The following DIABLO variants were observed in gnomAD, a reference collection of about 807,000 sequenced individuals.
DIABLO encodes diablo homolog, mitochondrial.
A neutral mutation model predicts 31.7 loss-of-function variants in DIABLO; 32 were observed. The ratio of observed to expected loss-of-function variants is 1.01; its 90% CI spans 0.76 to 1.35. The LOEUF is 1.35. DIABLO is among the 40% of genes most tolerant of loss of function. DIABLO has a pLI of 0.00. For synonymous variants in DIABLO, 132 were observed against 103.2 expected (o/e 1.28, Z -1.69); for missense variants, 316 against 286.4 (o/e 1.10, Z -0.75).
chr12:122,211,076 G>GAA, intron 5 of DIABLO, among the ~76,000 whole-genome samples: 1 of 3,266 alleles, frequency 3.1e-4, no homozygotes, highest in Non-Finnish European at 7.7e-4. Context: ...TTAGTTAAAA[G>GAA]TAAAAAAAAA....
upstream of DIABLO, chr12:122,226,363 A>AGGGAGGCGGGGCCTGGC (rs1566031591): frequency 3.2e-6 from 1 of 314,680 alleles, no homozygotes; most frequent in African/African-American, 3.9e-5. Context: ...CTGGTGAGTT[A>AGGGAGGCGGGGCCTGGC]GGGAGGCGGG....
intron 2 of DIABLO, 125 bp downstream of exon 2, chr12:122,224,387 G>C: frequency 7.1e-7 from 1 of 1,405,392 alleles, no homozygotes; most frequent in Non-Finnish European, 1.0e-6. Context: ...AAAGATGCCG[G>C]TACTGTGGGG....
At chr12:122,211,216 A>G (rs1324884163) in intron 5 of DIABLO, among the ~76,000 whole-genome samples, 1 of 151,628 alleles carries the variant, frequency 6.6e-6, no homozygotes, top group African/African-American at 2.4e-5. Context: ...CCTGGGCAAC[A>G]TGGTGAAACC....
chr12:122,211,339 C>T (rs1954085394), intron 5 of DIABLO, among the ~76,000 whole-genome samples: 1 of 151,994 alleles, frequency 6.6e-6, no homozygotes, highest in Admixed American at 6.6e-5. Context: ...GCAGAAGTAA[C>T]GGTGAGCCAA....
intron 5 of DIABLO, among the ~76,000 whole-genome samples, chr12:122,213,626 CTCCTTTTCTCCTTCTAGATATAA>C (rs1954138754): frequency 6.6e-6 from 1 of 151,990 alleles, no homozygotes; most frequent in South Asian, 2.1e-4. Context: ...TCTAGATATT[CTCCTTTTCTCCTTCTAGATATAA>C]GCATATCCTC....
chr12:122,224,795 T>A, intron 1 of DIABLO, 151 bp from the exon 2 acceptor site: 1 of 1,551,656 alleles, frequency 6.4e-7, no homozygotes, highest in East Asian at 2.4e-5. Flanking sequence ...ATTTTCAACA[T>A]ACACCAAGTT....
At chr12:122,213,301 G>A (rs1338856643) in intron 5 of DIABLO, among the ~76,000 whole-genome samples, 4 of 151,354 alleles carry the variant, frequency 2.6e-5, no homozygotes, top group Non-Finnish European at 4.4e-5. Flanking sequence ...AGGCCAAGGC[G>A]GGTGGATCAC....
intron 5 of DIABLO, chr12:122,208,997 ATTT>A (rs752364414): frequency 9.1e-5 from 30 of 330,338 alleles, no homozygotes; most frequent in Non-Finnish European, 1.6e-4. Context: ...ATAGAAAAAT[ATTT>A]TTTTACTATA....
intron 2 of DIABLO, chr12:122,221,861 G>T (rs1284860859): frequency 6.6e-6 from 1 of 152,166 alleles, no homozygotes; most frequent in Non-Finnish European, 1.5e-5. Context: ...AAAAACAAAG[G>T]TTGTCCCAAT....
chr12:122,226,275 G>C, upstream of DIABLO: 1 of 690,046 alleles, frequency 1.4e-6, no homozygotes, highest in East Asian at 2.7e-5. Context: ...GGTGGGTCCG[G>C]CGCGGAGCTG....
chr12:122,208,811 C>T (rs1236738803), intron 5 of DIABLO: 1 of 630,232 alleles, frequency 1.6e-6, no homozygotes, highest in Non-Finnish European at 2.9e-6. Flanking sequence ...GCCAACATCA[C>T]AATTATTAAA....
chr12:122,225,312 G>T, intron 1 of DIABLO: 1 of 766,634 alleles, frequency 1.3e-6, no homozygotes, highest in Non-Finnish European at 1.6e-6. Context: ...GCTTGAAGCC[G>T]GGAGGCACAG....
chr12:122,212,093 T>C (rs565663558), intron 5 of DIABLO, among the ~76,000 whole-genome samples: 303 of 152,096 alleles, frequency 2.0e-3, no homozygotes, highest in African/African-American at 6.9e-3. Context: ...GACTTGGCCT[T>C]CCAAAGTGCT....
intron 5 of DIABLO, among the ~76,000 whole-genome samples, chr12:122,216,165 G>C (rs1250542861): frequency 6.6e-6 from 1 of 152,134 alleles, no homozygotes; most frequent in Non-Finnish European, 1.5e-5. Context: ...GTAATTCTAT[G>C]ATTGTTAATA....
At chr12:122,220,702 C>CTATGTTG (rs1954316125) in intron 2 of DIABLO, 1 of 151,574 alleles carries the variant, frequency 6.6e-6, no homozygotes, top group Non-Finnish European at 1.5e-5. Context: ...ATCAATCACT[C>CTATGTTG]TATGTTGTCT....
Position 122,209,341 on chromosome 12 carries a change from C to T in DIABLO, c.524-764G>A, listed in dbSNP as rs190319258. Among the ~76,000 whole-genome samples, 1,084 of 149,038 alleles carry T rather than the reference C, an allele frequency of 7.3e-3. 12 individuals are homozygous for T. Among genetic ancestry groups the T allele is most frequent in the African/African-American group, 0.026 (1,007 of 39,308 alleles). On this transcript the variant is annotated intron_variant, in intron 5 of 5. Coordinates refer to ENST00000464942, the MANE Select transcript of DIABLO (RefSeq NM_001371333.1). ...TCGTGCCACTGCACTCCAGCCTGGG[C>T]GACAGACTCCGTCTCAAAAAAAAAA...
chr12:122,212,867 C>T (rs555877381), intron 5 of DIABLO, among the ~76,000 whole-genome samples: 13 of 151,690 alleles, frequency 8.6e-5, no homozygotes, highest in Admixed American at 2.6e-4. Context: ...CCACATGATC[C>T]GCCCACCTCA....
chr12:122,226,246 C>G (rs1203338263), upstream of DIABLO: 3 of 739,044 alleles, frequency 4.1e-6, no homozygotes, highest in Non-Finnish European at 7.1e-6. Flanking sequence ...GGGGCATATG[C>G]AGGGCCTGAG....
chr12:122,216,279 T>C (rs1363950530), intron 5 of DIABLO, among the ~76,000 whole-genome samples: 1 of 152,234 alleles, frequency 6.6e-6, no homozygotes, highest in Non-Finnish European at 1.5e-5. Context: ...TAGCTTCTAC[T>C]GGTCTGGTCT....
Sources: gnomAD v4.1 joint callset for allele counts (sites outside exome capture counted in the v4.1 genomes callset) on GRCh38, gnomAD v4.1.1 for gene constraint, MANE v1.5 for transcripts, NCBI Gene and HGNC (gene_info 2026-07-23, HGNC 2026-07-21) for gene names.